Variants in KCP observed in about 807,000 individuals in gnomAD.
KCP encodes the protein kielin cysteine rich BMP regulator, also known as kielin/chordin-like protein.
Under a neutral mutation model 212.7 loss-of-function variants are expected in KCP, and 194 were observed. That is an observed-to-expected ratio of 0.91 (90% CI 0.81 to 1.03). KCP has a LOEUF of 1.03. Among genes scored for constraint, KCP ranks in the 50% least tolerant of loss-of-function variants. The pLI is 0.00. For missense variants in KCP, 2,080 were observed against 2,162.5 expected (o/e 0.96, Z 0.76); for synonymous variants, 833 against 865.3 (o/e 0.96, Z 0.65).
rs1585203645 is a variant in KCP, at chr7:128,885,001, A to G, written c.3040+96T>C. ...CACAAGGACGGAGGCCACTTCTCCA[A>G]CTGCCTGTCTCTGCCACCCGGCCCA... On this transcript the variant is annotated intron_variant, in intron 27 of 39. Transcript: ENST00000610776. 9.2e-6 allele frequency: 14 copies of G among 1,521,236 alleles called. No individual in the cohort carries two copies. The South Asian group carries it at 1.1e-4, about 12-fold the overall frequency. The allele number at this position is 1,521,236 out of a possible 1,614,324, so 94.2% of individuals were successfully genotyped here. A position where few individuals can be genotyped will look rare whatever the true frequency, so the allele number is the denominator to read the frequency against.
At position 128,878,669 on chromosome 7, in the gene KCP, C is replaced by T. The variant is rs763063510; in HGVS notation, c.4200G>A (p.Gln1400=). The part of the protein sequence containing the change: ...QVEVSVPGSY[Q]GRTCGLCGNF... Reference sequence around the variant, plus strand: ...TCCCACAGAGCCCACAAGTCCGGCCCTGGTAGGAGCCAGGTACGCTCACCT... The same window carrying T: ...TCCCACAGAGCCCACAAGTCCGGCCTTGGTAGGAGCCAGGTACGCTCACCT... Residue 1400 remains glutamine, a synonymous_variant, in exon 38 of 40, where the codon CAG becomes CAA. Transcript: ENST00000610776. 6.4e-7 allele frequency: 1 copy of T among 1,551,084 alleles called. No individual in the cohort carries two copies. The highest frequency in any genetic ancestry group is 1.4e-5 in the African/African-American group (1 of 73,048).
chr7:128,904,704 G>A (rs1795037268), intron 5 of KCP, among the ~76,000 whole-genome samples: 1 of 152,242 alleles, frequency 6.6e-6, no homozygotes, highest in Non-Finnish European at 1.5e-5. Flanking sequence ...GTGGCCCTGG[G>A]GCAGCCTGGA....
At chr7:128,884,295 C>T (rs966568187) in intron 28 of KCP, among the ~76,000 whole-genome samples, 173 bp from the exon 29 acceptor site, 1 of 152,248 alleles carries the variant, frequency 6.6e-6, no homozygotes, top group African/African-American at 2.4e-5. Context: ...GCTCCTCACC[C>T]CATGCCCTAG....
chr7:128,893,397 G>GGA lies in KCP; in HGVS notation c.1177_1178dup (p.Cys394ProfsTer121). Reference sequence around the variant, plus strand: ...GAGCGGAGGGACCGCCTACCTGGCAGGAGCAGCGGACACAGAGGCCCCGCT... The same window carrying GGA: ...GAGCGGAGGGACCGCCTACCTGGCAGGAGAGCAGCGGACACAGAGGCCCCGCT... On this transcript the variant is annotated frameshift_variant, in exon 12 of 40. Coordinates refer to ENST00000610776, the MANE Select transcript of KCP (RefSeq NM_001366122.1). LOFTEE classifies it high-confidence loss of function. 6.4e-7 allele frequency: 1 copy of GGA among 1,551,674 alleles called. No individual in the cohort carries two copies.
At chr7:128,889,167 G>T (rs1793929792) in intron 21 of KCP, 128 bp from the exon 22 acceptor site, 2 of 450,424 alleles carry the variant, frequency 4.4e-6, no homozygotes, top group Non-Finnish European at 3.3e-6. Context: ...GGGCTGGGGG[G>T]TCACAGGCCA....
chr7:128,890,478 C>G lies in KCP; in HGVS notation c.2200G>C (p.Glu734Gln), dbSNP rs545881444. 32 of 1,550,442 alleles carry G rather than the reference C, an allele frequency of 2.1e-5. 1 individual carries two copies. Among genetic ancestry groups the G allele is most frequent in the South Asian group, 2.0e-4 (17 of 84,020 alleles). The change falls in exon 21 of 40, where the codon GAG becomes CAG. Residue 734 changes from glutamate to glutamine, a missense_variant. Physicochemically the swap from Glu to Gln is conservative, Grantham distance 29. Coordinates refer to ENST00000610776, the MANE Select transcript of KCP (RefSeq NM_001366122.1). ...GCAGCAGTGGGCGATGGGAAGCGCT[C>G]CCCGCTGGCAAACTCCTTCCCCTGG... is the stretch of plus-strand genomic sequence containing the variant. Reference protein sequence around the residue: ...LYQGKEFASGERFPSPTAACH... With the variant: ...LYQGKEFASGQRFPSPTAACH...
chr7:128,903,911 A>C, intron 6 of KCP, 91 bp from the exon 7 acceptor site: 1 of 1,385,556 alleles, frequency 7.2e-7, no homozygotes, highest in Non-Finnish European at 1.0e-6. Context: ...GGAGGGGGGC[A>C]CAGGGCAGGG....
At chr7:128,890,316 G>A (rs1051334067) in intron 21 of KCP, 27 bp downstream of exon 21, 15 of 1,551,430 alleles carry the variant, frequency 9.7e-6, no homozygotes, top group East Asian at 4.9e-5. Flanking sequence ...ATCCCACCCC[G>A]GCAGCTCCCT....
At position 128,892,906 on chromosome 7, in the gene KCP, G is replaced by A. The variant is rs1281711405; in HGVS notation, c.1383C>T (p.Cys461=). ...TGGGGTGCTGGCAGGGGGCTGGGGGGCAGAGCACAGCCCCGCACTTGGGTA... is the reference window on the plus strand; with the variant it reads ...TGGGGTGCTGGCAGGGGGCTGGGGGACAGAGCACAGCCCCGCACTTGGGTA... ...DGVPKCGAVL[C]PPAPCQHPTQ... The change falls in exon 14 of 40, where the codon TGC becomes TGT. Residue 461 remains cysteine (C), a synonymous_variant. Coordinates refer to ENST00000610776, the MANE Select transcript of KCP (RefSeq NM_001366122.1). The A allele has an allele frequency of 8.5e-6, 13 of 1,530,986 alleles. No homozygotes were observed. The highest frequency in any genetic ancestry group is 8.0e-6 in the Non-Finnish European group (9 of 1,128,706). The allele number at this position is 1,530,986 out of a possible 1,614,324, so 94.8% of individuals were successfully genotyped here.
In KCP at chr7:128,893,947, G is replaced by C. The variant is rs1794351759; in HGVS notation, c.1005+29C>G. ...ACGCCAGAGGCAGGCCCCGGAGCCA[G>C]GCCCTCCCTGCCAGGCAGCCACACT... On this transcript the variant is annotated intron_variant, in intron 10 of 39. Coordinates refer to ENST00000610776, the MANE Select transcript of KCP (RefSeq NM_001366122.1). 3.9e-6 allele frequency: 6 copies of C among 1,549,424 alleles called. No individual in the cohort carries two copies. The East Asian group carries it at 1.5e-4, about 38-fold the overall frequency.
chr7:128,905,473 C>T (rs1795078666), intron 5 of KCP, among the ~76,000 whole-genome samples: 1 of 152,182 alleles, frequency 6.6e-6, no homozygotes, highest in Admixed American at 6.5e-5. Context: ...AGCTCGGCCT[C>T]CACTATTCCA....
At chr7:128,894,640 CTT>C (rs1476631973) in intron 8 of KCP, among the ~76,000 whole-genome samples, 1 of 152,020 alleles carries the variant, frequency 6.6e-6, no homozygotes, top group Non-Finnish European at 1.5e-5. Context: ...GAGTTTTGCT[CTT>C]GTTGCCCAGG....
At chr7:128,907,773 A>G (rs1795200726) in intron 2 of KCP, among the ~76,000 whole-genome samples, 1 of 152,228 alleles carries the variant, frequency 6.6e-6, no homozygotes, top group Non-Finnish European at 1.5e-5. Flanking sequence ...GAACAGTACG[A>G]AACACGAACT....
chr7:128,899,615 T>C (rs1794720953), intron 8 of KCP, among the ~76,000 whole-genome samples: 2 of 152,262 alleles, frequency 1.3e-5, no homozygotes, highest in South Asian at 4.1e-4. Flanking sequence ...TTACAGCTTT[T>C]GGCAATTGAG....
intron 8 of KCP, among the ~76,000 whole-genome samples, chr7:128,896,783 T>C (rs1197530472): frequency 6.8e-6 from 1 of 147,684 alleles, no homozygotes; most frequent in Non-Finnish European, 1.5e-5. Flanking sequence ...CCCAGCTACT[T>C]GGGAGGCTGA....
intron 1 of KCP, among the ~76,000 whole-genome samples, chr7:128,909,579 C>G (rs957382121): frequency 1.3e-5 from 2 of 152,052 alleles, no homozygotes. Flanking sequence ...TGAGTTGTCC[C>G]CTAATACATC....
In KCP at chr7:128,877,790, C is replaced by G; in HGVS notation, c.4312G>C (p.Val1438Leu). The change falls in exon 39 of 40, where the codon GTC becomes CTC. Residue 1438 changes from valine (V) to leucine (L), a missense_variant and splice_region_variant. By Grantham distance (32) the Val-to-Leu change is conservative (BLOSUM62 1). Transcript: ENST00000610776. The stretch of plus-strand genomic sequence containing the variant: ...CGGCCAGGCCACAGCCCCTCTGAGA[C>G]CTGGGTGGGGAGAGCAGCCCTGACG... ...SEAAFGNSWQ[V>L]SEGLWPGRPC... The G allele has an allele frequency of 6.5e-7, 1 of 1,545,058 alleles. No homozygotes were observed. The highest frequency in any genetic ancestry group is 1.2e-5 in the South Asian group (1 of 83,592).
At chr7:128,878,518 G>T in intron 38 of KCP, 40 bp downstream of exon 38, 3 of 1,526,040 alleles carry the variant, frequency 2.0e-6, no homozygotes, top group Non-Finnish European at 8.8e-7. Context: ...GCTCAGCTGC[G>T]TCTCCCCTAA....
At chr7:128,883,643 T>C (rs1009222421) in intron 29 of KCP, among the ~76,000 whole-genome samples, 1 of 152,018 alleles carries the variant, frequency 6.6e-6, no homozygotes. Flanking sequence ...TCTTTACTTT[T>C]CCCCCCAATC....
Sources: gnomAD v4.1 joint callset for allele counts (sites outside exome capture counted in the v4.1 genomes callset) on GRCh38, gnomAD v4.1.1 for gene constraint, MANE v1.5 for transcripts, NCBI Gene and HGNC (gene_info 2026-07-23, HGNC 2026-07-21) for gene names.